Variants in UPF2 observed in about 807,000 individuals in gnomAD.
UPF2 encodes UPF2 regulator of nonsense mediated mRNA decay, also known as regulator of nonsense transcripts 2.
In UPF2, 17 loss-of-function variants were observed where a neutral mutation model predicts 141.4. The ratio of observed to expected loss-of-function variants is 0.12; its 90% confidence interval spans 0.08 to 0.18. The LOEUF is 0.18. UPF2 is among the 10% of genes least tolerant of loss of function. The pLI, the probability that UPF2 is intolerant of heterozygous loss-of-function variation, is 1.00. For missense variants in UPF2, 1,152 were observed against 1,515.9 expected, an observed-to-expected ratio of 0.76 and a Z score of 3.99; for synonymous variants, 540 against 498.0, an observed-to-expected ratio of 1.08 and a Z score of -1.12.
intron 3 of UPF2, among the ~76,000 whole-genome samples, chr10:12,024,866 C>G (rs1230660233): frequency 8.0e-6 from 1 of 125,464 alleles, no homozygotes; most frequent in Non-Finnish European, 1.6e-5. Context: ...CCCAGGAGGT[C>G]AAGGCTACAC....
intron 18 of UPF2, among the ~76,000 whole-genome samples, chr10:11,941,075 AATGAT>A (rs759842945): frequency 6.6e-6 from 1 of 152,134 alleles, no homozygotes; most frequent in Non-Finnish European, 1.5e-5. Context: ...CACAATTTGA[AATGAT>A]ATATTTGTTT....
intron 3 of UPF2, among the ~76,000 whole-genome samples, chr10:12,028,340 G>T (rs1834456395): frequency 6.6e-6 from 1 of 152,124 alleles, no homozygotes; most frequent in African/African-American, 2.4e-5. Flanking sequence ...GAGCAACAGT[G>T]ACATAAAGAA....
chr10:12,001,595 G>T (rs1024288826), intron 6 of UPF2, 81 bp downstream of exon 6: 3 of 1,302,040 alleles, frequency 2.3e-6, no homozygotes, highest in Non-Finnish European at 3.1e-6. Context: ...CAGAATTAAG[G>T]AGAAAAGATC....
chr10:11,943,532 G>C (rs1268710138), intron 16 of UPF2, among the ~76,000 whole-genome samples: 1 of 152,098 alleles, frequency 6.6e-6, no homozygotes, highest in Non-Finnish European at 1.5e-5. Flanking sequence ...AACTGCAATG[G>C]AAACCAACAA....
intron 8 of UPF2, among the ~76,000 whole-genome samples, chr10:11,988,949 C>G (rs1051649738): frequency 1.3e-5 from 2 of 152,234 alleles, no homozygotes; most frequent in Non-Finnish European, 2.9e-5. Flanking sequence ...TGATTACTAT[C>G]TTTCTACTCC....
At chr10:11,949,827 C>A (rs1301554352) in intron 15 of UPF2, among the ~76,000 whole-genome samples, 1 of 152,138 alleles carries the variant, frequency 6.6e-6, no homozygotes, top group Non-Finnish European at 1.5e-5. Context: ...GCCAGTAATC[C>A]TATCTATCCT....
chr10:11,948,625 G>A, intron 15 of UPF2, 117 bp from the exon 16 acceptor site: 1 of 1,169,104 alleles, frequency 8.6e-7, no homozygotes. Context: ...CATTTTCTCA[G>A]AACAAAGGTA....
chr10:11,922,021 G>C (rs1305338691), intron 21 of UPF2, among the ~76,000 whole-genome samples: 6 of 152,146 alleles, frequency 3.9e-5, no homozygotes, highest in Non-Finnish European at 8.8e-5. Flanking sequence ...TCTATAAAAA[G>C]GGAAATTTGC....
At chr10:11,924,364 G>A (rs1397473606) in intron 21 of UPF2, among the ~76,000 whole-genome samples, 6 of 152,288 alleles carry the variant, frequency 3.9e-5, no homozygotes, top group Admixed American at 2.0e-4. Flanking sequence ...GATCACCTGA[G>A]GTCAGGAGTT....
intron 14 of UPF2, among the ~76,000 whole-genome samples, chr10:11,954,645 T>A (rs9794209): frequency 0.016 from 1,810 of 113,240 alleles, 21 homozygotes; most frequent in Middle Eastern, 0.058. Context: ...AAAAAAAAAA[T>A]ATATATATAT....
intron 8 of UPF2, among the ~76,000 whole-genome samples, chr10:11,982,868 C>T (rs570332619): frequency 6.6e-6 from 1 of 152,168 alleles, no homozygotes; most frequent in Non-Finnish European, 1.5e-5. Context: ...GATCCACCCC[C>T]CTCAGCCTCC....
rs76200550 is a variant in UPF2, at chr10:11,998,166, G to C, written c.1759-409C>G. Among the ~76,000 whole-genome samples, 7,959 of 152,184 alleles carry C rather than the reference G, an allele frequency of 0.052. 284 individuals are homozygous for C. Among genetic ancestry groups the C allele is most frequent in the Non-Finnish European group, 0.08 (5,447 of 67,996 alleles). ...TCTTTGGATGCTGAGTACTTCATTT[G>C]AACTAAGAAAACTGGAAAGCCTGAT... On this transcript the variant is annotated intron_variant, in intron 7 of 21. Transcript: ENST00000357604. This position sits in a 1 kb window ranked among gnomAD's most constrained non-coding sequence, Gnocchi z 4.5.
chr10:12,008,604 T>C (rs979259424), intron 4 of UPF2, among the ~76,000 whole-genome samples: 3 of 118,928 alleles, frequency 2.5e-5, no homozygotes, highest in African/African-American at 1.0e-4. Flanking sequence ...TACTCCAGCC[T>C]GGGTGACAGA....
In UPF2 at chr10:11,979,862, G is replaced by A. The variant is rs936176936; in HGVS notation, c.1845-697C>T. Among the ~76,000 whole-genome samples, 6 of 152,094 alleles carry A rather than the reference G, an allele frequency of 3.9e-5. No individual in the cohort carries two copies. The highest frequency in any genetic ancestry group is 7.4e-5 in the Non-Finnish European group (5 of 68,006). On this transcript the variant is annotated intron_variant, in intron 8 of 21. Transcript: ENST00000357604. This position sits in a 1 kb window ranked among gnomAD's most constrained non-coding sequence, Gnocchi z 6.2. ...AGAAGTTGCAGTGAGCCCAGATCAC[G>A]CCACTGCACTCCAGCCTGGGTGACA...
chr10:11,959,937 A>G lies in UPF2; in HGVS notation c.2185-581T>C, dbSNP rs1386472806. 6.6e-6 allele frequency among the ~76,000 whole-genome samples: 1 copy of G among 152,214 alleles called. No individual in the cohort carries two copies. The highest frequency in any genetic ancestry group is 1.5e-5 in the Non-Finnish European group (1 of 68,030). On this transcript the variant is annotated intron_variant, in intron 11 of 21. Transcript: ENST00000357604. This position sits in a 1 kb window ranked among gnomAD's most constrained non-coding sequence, Gnocchi z 5.9. The stretch of plus-strand genomic sequence containing the variant: ...CAATAAAATACTAGAGAACTTTACT[A>G]CCAAGGTAACTTCTTTCATAACTTT...
chr10:12,024,503 A>G (rs1276527487), intron 3 of UPF2, among the ~76,000 whole-genome samples: 1 of 151,852 alleles, frequency 6.6e-6, no homozygotes, highest in East Asian at 1.9e-4. Context: ...CCAGCTACTC[A>G]GGAGGCTGAG....
intron 3 of UPF2, chr10:12,026,710 G>C (rs778100465): frequency 3.2e-5 from 14 of 442,368 alleles, no homozygotes; most frequent in African/African-American, 2.9e-4. Context: ...GAGTGCAATG[G>C]CACAATCTCG....
rs1381556313 is a variant in UPF2, at chr10:11,956,454, T to C, written c.2440A>G (p.Ile814Val). ...EVKDYVICCM[I>V]NIWNVKYNSI... is the part of the protein sequence containing the mutation. ...TTATATTTCACATTCCAGATGTTTA[T>C]CATACAACAAATAACATAGTCTTTC... Residue 814 changes from isoleucine to valine, a missense_variant, in exon 13 of 22, where the codon ATA becomes GTA. Ile to Val is a conservative substitution (Grantham distance 29). This residue lies in a region of UPF2 where 739 missense variants were observed against 1,032.2 expected (regional missense o/e 0.72). Coordinates refer to ENST00000357604, the MANE Select transcript of UPF2 (RefSeq NM_015542.4). This position sits in a 1 kb window ranked among gnomAD's most constrained non-coding sequence, Gnocchi z 4.2. 2 of 1,614,022 alleles carry C rather than the reference T, an allele frequency of 1.2e-6. No homozygotes were observed. The highest frequency in any genetic ancestry group is 8.5e-7 in the Non-Finnish European group (1 of 1,179,984).
rs1243891301 is a variant in UPF2 at position 11,942,574 on chromosome 10, T to C, written c.3378+91A>G. 5.2e-6 allele frequency: 6 copies of C among 1,143,480 alleles called. No homozygotes were observed. In the South Asian group the frequency reaches 6.8e-5, roughly 13 times the overall value. 70.8% of individuals were successfully genotyped at this position (1,143,480 alleles called of 1,614,324 possible). ...CAAAAGCTGCTGCAGAAGAGACACT[T>C]AGATAGGAGAGGCCTTCACATGAAC... is the stretch of plus-strand genomic sequence containing the variant. On this transcript the variant is annotated intron_variant, in intron 18 of 21. Transcript: ENST00000357604.
Sources: gnomAD v4.1 joint callset for allele counts (sites outside exome capture counted in the v4.1 genomes callset) on GRCh38, gnomAD v4.1.1 for gene constraint, gnomAD v4.1.1 regional missense constraint, Gnocchi (gnomAD v3.1) non-coding constraint, MANE v1.5 for transcripts, NCBI Gene and HGNC (gene_info 2026-07-23, HGNC 2026-07-21) for gene names.